Variants in NPAS3 observed in about 807,000 individuals in gnomAD.
The protein encoded by NPAS3 is neuronal PAS domain-containing protein 3.
In NPAS3, 14 loss-of-function variants were observed where a neutral mutation model predicts 73.1. The ratio of observed to expected loss-of-function variants is 0.19; its 90% CI spans 0.13 to 0.30. NPAS3 has a LOEUF of 0.30. Ranked by LOEUF, NPAS3 falls within the 10% of genes least tolerant of loss-of-function variation. NPAS3 has a pLI of 1.00. For missense variants in NPAS3, 1,096 were observed against 1,250.0 expected, an observed-to-expected ratio of 0.88 and a Z score of 1.86; for synonymous variants, 620 against 541.5, an observed-to-expected ratio of 1.14 and a Z score of -2.01.
chr14:33,764,403 C>T (rs2062394146), intron 7 of NPAS3, among the ~76,000 whole-genome samples: 1 of 152,212 alleles, frequency 6.6e-6, no homozygotes, highest in South Asian at 2.1e-4. Context: ...GTAAAACACA[C>T]ATTCAACAAA....
intron 5 of NPAS3, among the ~76,000 whole-genome samples, chr14:33,570,561 G>T (rs995659710): frequency 6.6e-6 from 1 of 152,134 alleles, no homozygotes; most frequent in Non-Finnish European, 1.5e-5. Flanking sequence ...ACGTTGCCGG[G>T]TTTGCAAAGA....
intron 3 of NPAS3, among the ~76,000 whole-genome samples, chr14:33,347,115 T>G (rs1247152592): frequency 6.6e-6 from 1 of 152,182 alleles, no homozygotes; most frequent in Non-Finnish European, 1.5e-5. Flanking sequence ...ACAGTTCAGT[T>G]CCTCTAGGGA....
intron 3 of NPAS3, among the ~76,000 whole-genome samples, chr14:33,231,124 C>T (rs2047834865): frequency 1.3e-5 from 2 of 152,130 alleles, no homozygotes; most frequent in Admixed American, 1.3e-4. Context: ...TGCAAGCTTG[C>T]CAGTGCAGGG....
chr14:33,447,749 A>G (rs1338922052), intron 4 of NPAS3, among the ~76,000 whole-genome samples: 3 of 152,150 alleles, frequency 2.0e-5, no homozygotes, highest in African/African-American at 7.2e-5. Context: ...TCTTGTCTCT[A>G]CAAAATATAA....
At chr14:33,204,601 G>T (rs978256788) in intron 2 of NPAS3, among the ~76,000 whole-genome samples, 1 of 152,036 alleles carries the variant, frequency 6.6e-6, no homozygotes, top group Non-Finnish European at 1.5e-5. Flanking sequence ...GTGACACACG[G>T]AAAAAGTCAG....
At chr14:33,036,767 T>C (rs2040183488) in intron 1 of NPAS3, among the ~76,000 whole-genome samples, 1 of 152,194 alleles carries the variant, frequency 6.6e-6, no homozygotes, top group African/African-American at 2.4e-5. Context: ...TATAAAAGAC[T>C]TTTTGAAGGA....
chr14:33,511,232 C>G (rs2140012040), intron 4 of NPAS3, among the ~76,000 whole-genome samples: 1 of 152,178 alleles, frequency 6.6e-6, no homozygotes, highest in Admixed American at 6.5e-5. Flanking sequence ...GCATCAGACT[C>G]TTCAAATCCA....
intron 1 of NPAS3, among the ~76,000 whole-genome samples, chr14:32,950,276 T>C (rs186846519): frequency 7.9e-5 from 12 of 152,126 alleles, no homozygotes; most frequent in East Asian, 5.8e-4. Context: ...TAAGAACATC[T>C]CAAAGAATTT....
At chr14:33,342,955 T>A (rs141497759) in intron 3 of NPAS3, among the ~76,000 whole-genome samples, 194 of 152,318 alleles carry the variant, frequency 1.3e-3, no homozygotes, top group African/African-American at 4.3e-3. Context: ...TCACGAGGCA[T>A]TGGCTGTCCA....
intron 4 of NPAS3, among the ~76,000 whole-genome samples, chr14:33,550,029 T>G (rs1246786828): frequency 1.3e-5 from 2 of 152,180 alleles, no homozygotes; most frequent in Non-Finnish European, 2.9e-5. Context: ...AATACCAGAA[T>G]TTGATTTTCT....
At chr14:33,317,680 T>C (rs186856857) in intron 3 of NPAS3, among the ~76,000 whole-genome samples, 143 of 152,142 alleles carry the variant, frequency 9.4e-4, no homozygotes, top group South Asian at 5.0e-3. Flanking sequence ...TGAAGAAGGA[T>C]GTATTTGCTT....
intron 5 of NPAS3, among the ~76,000 whole-genome samples, chr14:33,562,902 C>CACACACACACACAT (rs1050377992): frequency 6.6e-6 from 1 of 151,634 alleles, no homozygotes; most frequent in Non-Finnish European, 1.5e-5. Context: ...TTTATGAGCA[C>CACACACACACACAT]ACACACACAC....
At position 33,789,104 on chromosome 14, in the gene NPAS3, T is replaced by A. The variant is rs149479062; in HGVS notation, c.1154-4793T>A. ...AGCTTCCTTCACAGTTAGAGGTACG[T>A]GGTATTAATATTTTGACTTCAACAG... On this transcript the variant is annotated intron_variant, in intron 9 of 11. Coordinates refer to ENST00000356141, the Ensembl canonical transcript of NPAS3. Among the ~76,000 whole-genome samples the A allele has an allele frequency of 1.3e-3, 200 of 152,170 alleles. 1 individual carries two copies. The highest frequency in any genetic ancestry group is 1.9e-3 in the Non-Finnish European group (129 of 67,998).
Position 33,252,051 on chromosome 14 carries a change from GTGTGTC to G in NPAS3, c.385+36631_385+36636del, listed in dbSNP as rs1179819447. On this transcript the variant is annotated intron_variant, in intron 3 of 11. Coordinates refer to ENST00000356141, the Ensembl canonical transcript of NPAS3. ...ACCTTTCGTGGGTGTTTGCGTGTGT[GTGTGTC>G]TGTGTGTGTGTGTGTGTGTGTGTGT... 7.6e-3 allele frequency among the ~76,000 whole-genome samples: 656 copies of G among 85,754 alleles called. 2 individuals are homozygous for G. Among genetic ancestry groups the G allele is most frequent in the African/African-American group, 0.024 (625 of 26,500 alleles). 56.3% of individuals were successfully genotyped at this position (85,754 alleles called of 152,430 possible).
At chr14:33,221,103 C>T (rs1261348390) in intron 3 of NPAS3, among the ~76,000 whole-genome samples, 2 of 152,146 alleles carry the variant, frequency 1.3e-5, no homozygotes, top group Non-Finnish European at 1.5e-5. Flanking sequence ...GGGCTTGGCT[C>T]CTTGCTGGGG....
At chr14:33,561,660 G>T (rs1315136904) in intron 5 of NPAS3, among the ~76,000 whole-genome samples, 1 of 152,188 alleles carries the variant, frequency 6.6e-6, no homozygotes, top group African/African-American at 2.4e-5. Context: ...GAGCCACCAT[G>T]TCGCGATGTT....
intron 2 of NPAS3, among the ~76,000 whole-genome samples, chr14:33,161,387 A>G (rs1439710194): frequency 1.3e-5 from 2 of 152,208 alleles, no homozygotes; most frequent in Non-Finnish European, 2.9e-5. Flanking sequence ...CATTGATACT[A>G]ATTAACTTGC....
chr14:33,196,239 G>C (rs185913411), intron 2 of NPAS3, among the ~76,000 whole-genome samples: 108 of 152,250 alleles, frequency 7.1e-4, no homozygotes, highest in African/African-American at 2.5e-3. Context: ...TTATTTTCCA[G>C]ATGACCTGTC....
At chr14:33,179,554 A>C (rs968343201) in intron 2 of NPAS3, among the ~76,000 whole-genome samples, 7 of 152,166 alleles carry the variant, frequency 4.6e-5, no homozygotes, top group African/African-American at 1.4e-4. Flanking sequence ...AGAGCTAGTA[A>C]ATTGTAAAGC....
Sources: allele counts gnomAD v4.1 joint callset (sites outside exome capture counted in the v4.1 genomes callset), GRCh38; gene constraint gnomAD v4.1.1; transcripts MANE v1.5; gene names NCBI Gene and HGNC (gene_info 2026-07-23, HGNC 2026-07-21).